NOTCH3: variants seen among roughly 807,000 people sequenced by gnomAD.
The protein encoded by NOTCH3 is notch receptor 3, also known as neurogenic locus notch homolog protein 3.
In NOTCH3, 86 loss-of-function variants were observed where a neutral mutation model predicts 213.3. The ratio of observed to expected loss-of-function variants is 0.40; its 90% CI spans 0.34 to 0.48. NOTCH3 has a LOEUF of 0.48. Ranked by LOEUF, NOTCH3 falls within the 20% of genes least tolerant of loss-of-function variation. The pLI, the probability that NOTCH3 is intolerant of heterozygous loss-of-function variation, is 0.57. For missense variants in NOTCH3, 2,783 were observed against 3,272.6 expected (o/e 0.85, Z 3.65); for synonymous variants, 1,354 against 1,355.9 (o/e 1.00, Z 0.03).
At chr19:15,181,856 C>A (rs2145424619) in intron 16 of NOTCH3, 55 bp from the exon 17 acceptor site, 1 of 1,431,466 alleles carries the variant, frequency 7.0e-7, no homozygotes, top group Non-Finnish European at 9.5e-7. Context: ...TTAGCCCAGT[C>A]TGACTGGGAT....
chr19:15,177,791 G>C lies in NOTCH3; in HGVS notation c.4137C>G (p.Pro1379=). ...GGCACCGCGGCTCCTCCGAGACCTC[G>C]GGTGCCGCGGCGGGCGCCTCGCAGC... ...GPRCEAPAAA[P]EVSEEPRCPR... The change falls in exon 24 of 33, where the codon CCC becomes CCG. Residue 1379 remains proline (P), a synonymous_variant. Coordinates refer to ENST00000263388, the MANE Select transcript of NOTCH3 (RefSeq NM_000435.3). The C allele has an allele frequency of 7.8e-7, 1 of 1,277,388 alleles. No homozygotes were observed. The highest frequency in any genetic ancestry group is 2.8e-5 in the South Asian group (1 of 35,564). 79.1% of individuals were successfully genotyped at this position (1,277,388 alleles called of 1,614,324 possible).
chr19:15,197,863 G>A (rs1313908754), intron 1 of NOTCH3, among the ~76,000 whole-genome samples: 1 of 152,048 alleles, frequency 6.6e-6, no homozygotes, highest in African/African-American at 2.4e-5. Context: ...GGGGGCTCGG[G>A]AAGCTGCCAG....
chr19:15,180,577 C>G, intron 19 of NOTCH3, 104 bp downstream of exon 19: 1 of 1,351,842 alleles, frequency 7.4e-7, no homozygotes, highest in South Asian at 1.3e-5. Flanking sequence ...CCCCATCATG[C>G]CCCATAGGCT....
At position 15,162,743 on chromosome 19, in the gene NOTCH3, G is replaced by A. The variant is rs550663449; in HGVS notation, c.5816-181C>T. ...ATCTGCAAAATGACTCTGTGCAATG[G>A]GGAAGCACTTTGTGTCTGTGTGTGT... On this transcript the variant is annotated intron_variant, in intron 31 of 32. Coordinates refer to ENST00000263388, the MANE Select transcript of NOTCH3 (RefSeq NM_000435.3). 6.2e-5 allele frequency among the ~76,000 whole-genome samples: 9 copies of A among 145,584 alleles called. No individual in the cohort carries two copies. In the Admixed American group the frequency reaches 6.3e-4, roughly 10 times the overall value.
chr19:15,199,224 A>G (rs2046992258), intron 1 of NOTCH3, among the ~76,000 whole-genome samples: 1 of 152,080 alleles, frequency 6.6e-6, no homozygotes, highest in Non-Finnish European at 1.5e-5. Context: ...GCTACATGTG[A>G]GTCTATCTGT....
chr19:15,185,561 T>C lies in NOTCH3; in HGVS notation c.2070A>G (p.Pro690=), dbSNP rs370780913. The change falls in exon 13 of 33, where the codon CCA becomes CCG. Residue 690 remains proline, a synonymous_variant. Transcript: ENST00000263388. This position sits in a 1 kb window ranked among gnomAD's most constrained non-coding sequence, Gnocchi z 4.2. ...AGGGATGGCTCGGGGGGAGGCAGAGTGGGGGCAAGGAGCCAGGCGGGCAGA... is the reference window on the plus strand; with the variant it reads ...AGGGATGGCTCGGGGGGAGGCAGAGCGGGGGCAAGGAGCCAGGCGGGCAGA... ...RCLCPPGSLP[P]LCLPPSHPCA... The C allele has an allele frequency of 1.3e-4, 205 of 1,610,242 alleles. No homozygotes were observed. The highest frequency in any genetic ancestry group is 1.7e-4 in the Non-Finnish European group (199 of 1,178,896).
chr19:15,179,183 C>T lies in NOTCH3; in HGVS notation c.3560G>A (p.Gly1187Asp), dbSNP rs199539384. The T allele has an allele frequency of 6.2e-7, 1 of 1,614,040 alleles. No individual in the cohort carries two copies. Among genetic ancestry groups the T allele is most frequent in the Non-Finnish European group, 8.5e-7 (1 of 1,179,988 alleles). ...TGGGGGACAGGTGCAGCGGAAACCA[C>T]CCACCAGGTCCACGCAGGTGCCATT... ...LHNGTCVDLV[G>D]GFRCTCPPGY... The change falls in exon 22 of 33, where the codon GGT (glycine) becomes GAT (aspartate). Residue 1187 changes from glycine (G) to aspartate (D), a missense_variant. By Grantham distance (94) the Gly-to-Asp change is moderately conservative. Transcript: ENST00000263388.
At position 15,185,098 on chromosome 19, in the gene NOTCH3, C is replaced by T. The variant is rs2046870222; in HGVS notation, c.2297-79G>A. On this transcript the variant is annotated intron_variant, in intron 14 of 32. Transcript: ENST00000263388. The surrounding 1 kb of genome is among the most constrained non-coding windows in gnomAD (Gnocchi z 4.2). ...CCCATCTCCCCCCACCTCCCCCAAC[C>T]CCAGGGTCCCCACCTTGATACCCAC... 19 of 1,258,194 alleles carry T rather than the reference C, an allele frequency of 1.5e-5. No individual in the cohort carries two copies. The highest frequency in any genetic ancestry group is 2.1e-5 in the Non-Finnish European group (19 of 901,962). The allele number at this position is 1,258,194 out of a possible 1,614,324, so 77.9% of individuals were successfully genotyped here.
intron 25 of NOTCH3, among the ~76,000 whole-genome samples, chr19:15,173,226 C>A (rs2046754231): frequency 6.8e-6 from 1 of 147,370 alleles, no homozygotes; most frequent in Non-Finnish European, 1.5e-5. Flanking sequence ...TCCAGACCAT[C>A]CTGGCTAACA....
At chr19:15,194,061 G>A (rs2046952148) in intron 2 of NOTCH3, among the ~76,000 whole-genome samples, 1 of 152,072 alleles carries the variant, frequency 6.6e-6, no homozygotes, top group African/African-American at 2.4e-5. Context: ...CAGCCTGGGT[G>A]ACAGAGAGAG....
chr19:15,179,036 G>A lies in NOTCH3; in HGVS notation c.3707C>T (p.Ala1236Val), dbSNP rs765793439. 1.2e-6 allele frequency: 2 copies of A among 1,614,222 alleles called. No homozygotes were observed. Among genetic ancestry groups the A allele is most frequent in the Non-Finnish European group, 1.7e-6 (2 of 1,180,042 alleles). Reference sequence around the variant, plus strand: ...TCGCCAACGCTTACCTGAGAAGCCAGCATGACAAAGGCAACGGAAACCTCC... The same window carrying A: ...TCGCCAACGCTTACCTGAGAAGCCAACATGACAAAGGCAACGGAAACCTCC... ...PGGGFRCLCHAGFSGPRCQTV... is the reference protein window; with the variant it reads ...PGGGFRCLCHVGFSGPRCQTV... Residue 1236 changes from alanine to valine, a missense_variant, in exon 22 of 33, where the codon GCT (alanine) becomes GTT (valine). Physicochemically the swap from Ala to Val is moderately conservative, Grantham distance 64. This residue lies in a region of NOTCH3 where 861 missense variants were observed against 909.1 expected (regional missense o/e 0.95). Transcript: ENST00000263388.
chr19:15,196,114 T>G (rs1430946040), intron 2 of NOTCH3, among the ~76,000 whole-genome samples: 1 of 151,904 alleles, frequency 6.6e-6, no homozygotes, highest in African/African-American at 2.4e-5. Context: ...GGAGGGCGTG[T>G]AGGGAGTGGT....
rs754116376 is a variant in NOTCH3 at position 15,198,052 on chromosome 19, G to A, written c.119-474C>T. The stretch of plus-strand genomic sequence containing the variant: ...ATCTACTCCAGCCAGGCAGGCCTGC[G>A]TGGTGCTCTTGGGAGAGGGACCAAG... On this transcript the variant is annotated intron_variant, in intron 1 of 32. Transcript: ENST00000263388. 6.2e-4 allele frequency among the ~76,000 whole-genome samples: 94 copies of A among 152,276 alleles called. 1 individual carries two copies. In the Middle Eastern group the frequency reaches 0.014, roughly 22 times the overall value.
At chr19:15,196,008 G>A (rs1211070591) in intron 2 of NOTCH3, among the ~76,000 whole-genome samples, 1 of 151,340 alleles carries the variant, frequency 6.6e-6, no homozygotes, top group Non-Finnish European at 1.5e-5. Context: ...GCTGCCGGTG[G>A]GGGGGTCTTG....
intron 1 of NOTCH3, among the ~76,000 whole-genome samples, chr19:15,199,913 C>G (rs1422260679): frequency 6.6e-6 from 1 of 152,002 alleles, no homozygotes; most frequent in South Asian, 2.1e-4. Context: ...GAGGGGGGTG[C>G]CCCCGCAGCC....
intron 2 of NOTCH3, 38 bp downstream of exon 2, chr19:15,197,462 A>ACCCCCCCCCCCCC: frequency 1.6e-6 from 1 of 623,588 alleles, no homozygotes. Flanking sequence ...CCGCCCCCAC[A>ACCCCCCCCCCCCC]CACAGGGCCC....
rs776626449 is a variant in NOTCH3, at chr19:15,180,981, A to C, written c.2974T>G (p.Phe992Val). 1 of 1,596,254 alleles carries C rather than the reference A, an allele frequency of 6.3e-7. No individual in the cohort carries two copies. The highest frequency in any genetic ancestry group is 8.5e-7 in the Non-Finnish European group (1 of 1,172,320). Residue 992 changes from phenylalanine (F) to valine (V), a missense_variant, in exon 18 of 33, where the codon TTC (phenylalanine) becomes GTC (valine). This residue lies in a region of NOTCH3 where 861 missense variants were observed against 909.1 expected (regional missense o/e 0.95). Coordinates refer to ENST00000263388, the MANE Select transcript of NOTCH3 (RefSeq NM_000435.3). The part of the protein sequence containing the change: ...PGFRCTCLES[F>V]TGPQCQTLVD... Reference sequence around the variant, plus strand: ...CCCACCTGGCACTGCGGGCCCGTGAAGCTCTCGAGGCAGGTGCAGCGGAAG... The same window carrying C: ...CCCACCTGGCACTGCGGGCCCGTGACGCTCTCGAGGCAGGTGCAGCGGAAG...
chr19:15,199,925 C>G (rs1442717362), intron 1 of NOTCH3, among the ~76,000 whole-genome samples: 1 of 152,052 alleles, frequency 6.6e-6, no homozygotes, highest in Admixed American at 6.5e-5. Flanking sequence ...CCCGCAGCCC[C>G]CTCCCCGGCC....
At chr19:15,170,292 T>G in intron 27 of NOTCH3, 39 bp downstream of exon 27, 1 of 1,580,824 alleles carries the variant, frequency 6.3e-7, no homozygotes, top group Non-Finnish European at 8.7e-7. Flanking sequence ...GTTCACAAGG[T>G]CCCCGTAGTC....
Sources: gnomAD v4.1 joint callset for allele counts (sites outside exome capture counted in the v4.1 genomes callset) on GRCh38, gnomAD v4.1.1 for gene constraint, gnomAD v4.1.1 regional missense constraint, Gnocchi (gnomAD v3.1) non-coding constraint, MANE v1.5 for transcripts, NCBI Gene and HGNC (gene_info 2026-07-23, HGNC 2026-07-21) for gene names.